The following KCNIP4 variants were observed in gnomAD, a reference collection of about 807,000 sequenced individuals.
KCNIP4 encodes the protein potassium voltage-gated channel interacting protein 4.
In KCNIP4, 12 loss-of-function variants were observed where a neutral mutation model predicts 34.0. That is an observed-to-expected ratio of 0.35 (90% CI 0.23 to 0.57). KCNIP4 has a LOEUF of 0.57. Among genes scored for constraint, KCNIP4 ranks in the 20% least tolerant of loss-of-function variants. The probability of loss-of-function intolerance (pLI) is 0.83; values close to 1 mark genes in which losing one functional copy is unlikely to be tolerated. For missense variants in KCNIP4, 238 were observed against 311.7 expected, an observed-to-expected ratio of 0.76 and a Z score of 1.78; for synonymous variants, 124 against 102.2, an observed-to-expected ratio of 1.21 and a Z score of -1.29.
intron 1 of KCNIP4, among the ~76,000 whole-genome samples, chr4:21,509,234 G>T (rs1170500640): frequency 6.6e-6 from 1 of 152,010 alleles, no homozygotes; most frequent in Non-Finnish European, 1.5e-5. Flanking sequence ...ATTTTACAGA[G>T]GCCTTTTGCA....
intron 1 of KCNIP4, among the ~76,000 whole-genome samples, chr4:21,555,980 G>C (rs887496548): frequency 6.6e-6 from 1 of 152,040 alleles, no homozygotes; most frequent in Non-Finnish European, 1.5e-5. Flanking sequence ...GTTAACCCTG[G>C]AATGATTTTA....
In KCNIP4 at chr4:21,071,788, G is replaced by A. The variant is rs115132629; in HGVS notation, c.62-189079C>T. Among the ~76,000 whole-genome samples the A allele has an allele frequency of 6.7e-3, 1,013 of 151,906 alleles. 9 individuals are homozygous for A. Among genetic ancestry groups the A allele is most frequent in the African/African-American group, 0.023 (946 of 41,430 alleles). On this transcript the variant is annotated intron_variant, in intron 1 of 8. Coordinates refer to ENST00000382152, the MANE Select transcript of KCNIP4 (RefSeq NM_025221.6). ...GGTATATCTCCTAATGCTTTCCATCGTCCCTCCCCCTACCCCACAACAGTC... is the reference window on the plus strand; with the variant it reads ...GGTATATCTCCTAATGCTTTCCATCATCCCTCCCCCTACCCCACAACAGTC...
chr4:21,093,070 AG>A (rs1428427438), intron 1 of KCNIP4, among the ~76,000 whole-genome samples: 3 of 152,246 alleles, frequency 2.0e-5, no homozygotes, highest in Non-Finnish European at 4.4e-5. Flanking sequence ...CATTCTCAAA[AG>A]TTTGTCCTTG....
At chr4:21,861,786 A>G (rs1270068474) in intron 1 of KCNIP4, among the ~76,000 whole-genome samples, 1 of 151,916 alleles carries the variant, frequency 6.6e-6, no homozygotes, top group Non-Finnish European at 1.5e-5. Context: ...TCTTCCAACT[A>G]TTGTTCTTCC....
intron 1 of KCNIP4, among the ~76,000 whole-genome samples, chr4:21,507,813 C>G (rs1452574985): frequency 6.6e-6 from 1 of 152,122 alleles, no homozygotes; most frequent in Non-Finnish European, 1.5e-5. Flanking sequence ...CATTAAGAAG[C>G]AAATACATCC....
chr4:20,983,016 T>C (rs1338242954), intron 1 of KCNIP4, among the ~76,000 whole-genome samples: 1 of 152,220 alleles, frequency 6.6e-6, no homozygotes, highest in Non-Finnish European at 1.5e-5. Flanking sequence ...AGGCTATTAT[T>C]TTAGTAAAAG....
intron 1 of KCNIP4, among the ~76,000 whole-genome samples, chr4:21,435,259 T>C (rs1033255056): frequency 1.3e-5 from 2 of 152,100 alleles, no homozygotes; most frequent in Admixed American, 6.5e-5. Flanking sequence ...GAATATATGT[T>C]TGAGGGGGTA....
intron 1 of KCNIP4, among the ~76,000 whole-genome samples, chr4:21,138,839 T>C (rs1005898007): frequency 6.6e-6 from 1 of 152,066 alleles, no homozygotes; most frequent in African/African-American, 2.4e-5. Context: ...AAAGGAGTCA[T>C]GAGGCAGGAG....
chr4:21,205,148 T>G (rs1756759886), intron 1 of KCNIP4, among the ~76,000 whole-genome samples: 2 of 152,338 alleles, frequency 1.3e-5, no homozygotes, highest in Admixed American at 1.3e-4. Context: ...ACCTCATTGT[T>G]CTACAATTTT....
intron 3 of KCNIP4, 69 bp downstream of exon 3, chr4:20,850,474 C>CT: frequency 6.5e-7 from 1 of 1,537,742 alleles, no homozygotes; most frequent in Admixed American, 1.8e-5. Context: ...TATTTTCCCC[C>CT]TTTTCCTCTC....
intron 1 of KCNIP4, among the ~76,000 whole-genome samples, chr4:21,685,917 A>T (rs1320944477): frequency 6.6e-6 from 1 of 152,232 alleles, no homozygotes; most frequent in East Asian, 1.9e-4. Flanking sequence ...CATACCCAGC[A>T]CTTGGCTGTA....
intron 1 of KCNIP4, among the ~76,000 whole-genome samples, chr4:21,126,136 C>T (rs956149799): frequency 6.6e-6 from 1 of 152,004 alleles, no homozygotes; most frequent in Non-Finnish European, 1.5e-5. Flanking sequence ...TTTTCCATGA[C>T]CTTTTACCAA....
At chr4:21,709,848 T>C (rs1671613338) in intron 1 of KCNIP4, among the ~76,000 whole-genome samples, 2 of 152,228 alleles carry the variant, frequency 1.3e-5, no homozygotes, top group South Asian at 4.1e-4. Context: ...TGTGCTAAAA[T>C]GTCCAGTGAT....
intron 1 of KCNIP4, among the ~76,000 whole-genome samples, chr4:21,804,822 A>C (rs769881853): frequency 2.0e-5 from 3 of 152,202 alleles, no homozygotes; most frequent in Non-Finnish European, 4.4e-5. Context: ...ATACAATTTC[A>C]TTCTGTCACA....
rs1367935777 is a variant in KCNIP4, at chr4:21,006,709, T to G, written c.62-124000A>C. On this transcript the variant is annotated intron_variant, in intron 1 of 8. Coordinates refer to ENST00000382152, the MANE Select transcript of KCNIP4 (RefSeq NM_025221.6). ...AAGTTGGTCTTGAAGAAATAGGATT[T>G]TGCCCAGGACATGGGGCAGGGAATG... Among the ~76,000 whole-genome samples the G allele has an allele frequency of 4.6e-5, 7 of 152,268 alleles. No individual in the cohort carries two copies. The East Asian group carries it at 1.4e-3, about 29-fold the overall frequency.
intron 1 of KCNIP4, among the ~76,000 whole-genome samples, chr4:21,867,279 T>G (rs781229335): frequency 2.0e-5 from 3 of 152,150 alleles, no homozygotes; most frequent in Non-Finnish European, 4.4e-5. Flanking sequence ...AAAGGTTCAT[T>G]TAAGTAAATC....
chr4:21,154,131 C>T (rs181819817), intron 1 of KCNIP4, among the ~76,000 whole-genome samples: 76 of 152,196 alleles, frequency 5.0e-4, no homozygotes, highest in African/African-American at 1.8e-3. Flanking sequence ...CTTATATATA[C>T]TAAAATTTTC....
In KCNIP4 at chr4:21,683,635, A is replaced by AT. The variant is rs200005144; in HGVS notation, c.61+264935dup. On this transcript the variant is annotated intron_variant, in intron 1 of 8. Coordinates refer to ENST00000382152, the MANE Select transcript of KCNIP4 (RefSeq NM_025221.6). Reference sequence around the variant, plus strand: ...AGGCGCCCGCCACCACGCCTGGCTAATTTTTTGTATCTTTTAGTAGAGATG... The same window carrying AT: ...AGGCGCCCGCCACCACGCCTGGCTAATTTTTTTGTATCTTTTAGTAGAGATG... Among the ~76,000 whole-genome samples the AT allele has an allele frequency of 4.9e-3, 738 of 151,598 alleles. 4 individuals carry two copies. The highest frequency in any genetic ancestry group is 0.017 in the African/African-American group (691 of 41,366).
At chr4:21,582,263 A>G (rs1741292258) in intron 1 of KCNIP4, 1 of 152,028 alleles carries the variant, frequency 6.6e-6, no homozygotes, top group Non-Finnish European at 1.5e-5. Context: ...GATGATGTCC[A>G]ACATTAATGC....
Sources: gnomAD v4.1 joint callset for allele counts (sites outside exome capture counted in the v4.1 genomes callset) on GRCh38, gnomAD v4.1.1 for gene constraint, MANE v1.5 for transcripts, NCBI Gene and HGNC (gene_info 2026-07-23, HGNC 2026-07-21) for gene names.